The following BARHL1 variants were observed in gnomAD, a reference collection of about 807,000 sequenced individuals.
The protein encoded by BARHL1 is BarH like homeobox 1, also known as barH-like 1 homeobox protein.
Under a neutral mutation model 20.1 loss-of-function variants are expected in BARHL1, and 2 were observed. The observed-to-expected ratio is 0.10, with a 90% CI of 0.04 to 0.31. BARHL1 has a LOEUF of 0.31. Among genes scored for constraint, BARHL1 ranks in the 10% least tolerant of loss-of-function variants. BARHL1 has a pLI of 1.00. For synonymous variants in BARHL1, 213 were observed against 209.9 expected, an observed-to-expected ratio of 1.01 and a Z score of -0.13; for missense variants, 397 against 454.0, an observed-to-expected ratio of 0.87 and a Z score of 1.14.
At chr9:132,586,037 CTGGT>C (rs1830140740) in intron 1 of BARHL1, among the ~76,000 whole-genome samples, 1 of 152,270 alleles carries the variant, frequency 6.6e-6, no homozygotes, top group Admixed American at 6.5e-5. Context: ...CAGGGAGAGC[CTGGT>C]GCCAGCCTGG....
chr9:132,587,241 C>T lies in BARHL1; in HGVS notation c.467-88C>T. On this transcript the variant is annotated intron_variant, in intron 1 of 2. Coordinates refer to ENST00000263610, the MANE Select transcript of BARHL1 (RefSeq NM_020064.4). This position sits in a 1 kb window ranked among gnomAD's most constrained non-coding sequence, Gnocchi z 5.5. ...GTCGCGGAACCACCGCTGTCGGAAG[C>T]CGAGGTTACACAAACGCCACGGGCA... 2 of 1,271,554 alleles carry T rather than the reference C, an allele frequency of 1.6e-6. No homozygotes were observed. Among genetic ancestry groups the T allele is most frequent in the Non-Finnish European group, 2.2e-6 (2 of 918,978 alleles). 78.8% of individuals were successfully genotyped at this position (1,271,554 alleles called of 1,614,324 possible).
At chr9:132,588,538 G>T (rs1304521138) in intron 2 of BARHL1, among the ~76,000 whole-genome samples, 1 of 152,110 alleles carries the variant, frequency 6.6e-6, no homozygotes, top group Admixed American at 6.5e-5. Flanking sequence ...TCACCTGCAG[G>T]TGAGCCTAGG....
At chr9:132,585,093 T>A (rs1164574836) in intron 1 of BARHL1, among the ~76,000 whole-genome samples, 1 of 152,148 alleles carries the variant, frequency 6.6e-6, no homozygotes, top group Non-Finnish European at 1.5e-5. Flanking sequence ...AATTAGAATA[T>A]CAATTTTCTT....
intron 1 of BARHL1, among the ~76,000 whole-genome samples, chr9:132,586,091 C>T (rs1453557563): frequency 1.3e-5 from 2 of 152,230 alleles, no homozygotes; most frequent in East Asian, 3.9e-4. Flanking sequence ...GCCGTTTCTC[C>T]TCTGCACTCT....
chr9:132,585,232 C>T (rs1037598497), intron 1 of BARHL1, among the ~76,000 whole-genome samples: 3 of 152,068 alleles, frequency 2.0e-5, no homozygotes, highest in Admixed American at 1.3e-4. Context: ...GCTGCCTTTG[C>T]CCCTAGTGAA....
chr9:132,587,498 CG>C lies in BARHL1; in HGVS notation c.637del (p.Ala213ProfsTer287). The C allele has an allele frequency of 6.2e-7, 1 of 1,612,662 alleles. No homozygotes were observed. Among genetic ancestry groups the C allele is most frequent in the Middle Eastern group, 1.7e-4 (1 of 6,026 alleles). On this transcript the variant is annotated frameshift_variant, in exon 2 of 3. Transcript: ENST00000263610. LOFTEE classifies it high-confidence loss of function. This position sits in a 1 kb window ranked among gnomAD's most constrained non-coding sequence, Gnocchi z 5.5. ...GCGTGCAGGACCGCATGGAGCTCGC[CG>C]CCTCGCTCAACCTCACCGACACGCA... ...LSVQDRMELAASLNLTDTQVK... is the reference protein window; with the variant it reads ...LSVQDRMELAXSLNLTDTQVK...
At chr9:132,588,780 TC>T (rs1830174803) in intron 2 of BARHL1, among the ~76,000 whole-genome samples, 1 of 134,822 alleles carries the variant, frequency 7.4e-6, no homozygotes, top group Non-Finnish European at 1.7e-5. Flanking sequence ...TCAATCGCAT[TC>T]CCTTCCCTGA....
rs1363779376 is a variant in BARHL1, at chr9:132,582,965, G to C, written c.168G>C (p.Arg56Ser). The change falls in exon 1 of 3, where the codon AGG (arginine) becomes AGC (serine). Residue 56 changes from arginine to serine, a missense_variant. Physicochemically the swap from Arg to Ser is moderately radical, Grantham distance 110. Coordinates refer to ENST00000263610, the MANE Select transcript of BARHL1 (RefSeq NM_020064.4). ...SDCSSPASPG[R>S]DCLETGTPRP... ...GCTCTTCGCCAGCCTCTCCAGGAAG[G>C]GACTGTTTGGAGACGGGGACCCCAC... 1 of 1,613,790 alleles carries C rather than the reference G, an allele frequency of 6.2e-7. No individual in the cohort carries two copies. The highest frequency in any genetic ancestry group is 8.5e-7 in the Non-Finnish European group (1 of 1,179,960).
In BARHL1 at chr9:132,582,752, G is replaced by A. The variant is rs1830087603; in HGVS notation, c.-46G>A. On this transcript the variant is annotated 5_prime_UTR_variant, in exon 1 of 3. Transcript: ENST00000263610. ...GGCAGGGGCAGCGGCGGCTGGGGTT[G>A]GGGGTGGGTGGGGAGCTTTTGGGGA... The A allele has an allele frequency of 6.7e-7, 1 of 1,499,840 alleles. No individual in the cohort carries two copies. The highest frequency in any genetic ancestry group is 1.4e-5 in the African/African-American group (1 of 72,406). The allele number at this position is 1,499,840 out of a possible 1,614,324, so 92.9% of individuals were successfully genotyped here.
intron 2 of BARHL1, 21 bp from the exon 3 acceptor site, chr9:132,589,207 C>T (rs770397094): frequency 6.9e-5 from 110 of 1,598,146 alleles, no homozygotes; most frequent in Non-Finnish European, 9.4e-5. Context: ...TCCCGCCATA[C>T]GCGTTTATTT....
At chr9:132,583,537 C>T (rs997698271) in intron 1 of BARHL1, among the ~76,000 whole-genome samples, 1 of 152,218 alleles carries the variant, frequency 6.6e-6, no homozygotes, top group African/African-American at 2.4e-5. Flanking sequence ...TTCTAAACTT[C>T]GACTGGGACC....
chr9:132,583,292 G>A (rs1441938001), intron 1 of BARHL1, 29 bp downstream of exon 1: 1 of 1,563,628 alleles, frequency 6.4e-7, no homozygotes, highest in Admixed American at 1.8e-5. Flanking sequence ...AAAACTTGGG[G>A]GGATGCTATG....
Position 132,589,623 on chromosome 9 carries a change from C to A in BARHL1, c.*101C>A. ...TTCGACGCCCTTTCCCGGGAGGGGG[C>A]CCTGCCCGGCCCTCCCTGGCGCCCC... On this transcript the variant is annotated 3_prime_UTR_variant, in exon 3 of 3. Coordinates refer to ENST00000263610, the MANE Select transcript of BARHL1 (RefSeq NM_020064.4). 2 of 1,223,846 alleles carry A rather than the reference C, an allele frequency of 1.6e-6. No homozygotes were observed. The highest frequency in any genetic ancestry group is 2.0e-6 in the Non-Finnish European group (2 of 984,736). 75.8% of individuals were successfully genotyped at this position (1,223,846 alleles called of 1,614,324 possible).
Position 132,589,621 on chromosome 9 carries a change from G to C in BARHL1, c.*99G>C. The stretch of plus-strand genomic sequence containing the variant: ...GGTTCGACGCCCTTTCCCGGGAGGG[G>C]GCCCTGCCCGGCCCTCCCTGGCGCC... On this transcript the variant is annotated 3_prime_UTR_variant, in exon 3 of 3. Transcript: ENST00000263610. The C allele has an allele frequency of 8.2e-7, 1 of 1,225,240 alleles. No individual in the cohort carries two copies. Among genetic ancestry groups the C allele is most frequent in the Non-Finnish European group, 1.0e-6 (1 of 985,870 alleles). The allele number at this position is 1,225,240 out of a possible 1,614,324, so 75.9% of individuals were successfully genotyped here.
In BARHL1 at chr9:132,587,637, G is replaced by C. The variant is rs1161755255; in HGVS notation, c.689+86G>C. The C allele has an allele frequency of 3.8e-6, 5 of 1,330,938 alleles. No individual in the cohort carries two copies. Among genetic ancestry groups the C allele is most frequent in the Non-Finnish European group, 5.2e-6 (5 of 968,322 alleles). 82.4% of individuals were successfully genotyped at this position (1,330,938 alleles called of 1,614,324 possible). A position where few individuals can be genotyped will look rare whatever the true frequency, so the allele number is the denominator to read the frequency against. On this transcript the variant is annotated intron_variant, in intron 2 of 2. Coordinates refer to ENST00000263610, the MANE Select transcript of BARHL1 (RefSeq NM_020064.4). This position sits in a 1 kb window ranked among gnomAD's most constrained non-coding sequence, Gnocchi z 5.5. The stretch of plus-strand genomic sequence containing the variant: ...GGAGGGGACCAGGAGTCTACAGGTT[G>C]GTGCTAAGGGAGGGCCCCAGAGCCT...
At position 132,582,884 on chromosome 9, in the gene BARHL1, C is replaced by G; in HGVS notation, c.87C>G (p.Leu29=). The change falls in exon 1 of 3, where the codon CTC becomes CTG. Residue 29 remains leucine (L), a synonymous_variant. Transcript: ENST00000263610. The part of the protein sequence containing the change: ...SPALPKGDPL[L]GDCRSPLELS... ...CCCTTCCCAAGGGGGACCCCTTGCT[C>G]GGGGACTGCCGTTCGCCCCTGGAGC... 6.2e-7 allele frequency: 1 copy of G among 1,613,110 alleles called. No homozygotes were observed. Among genetic ancestry groups the G allele is most frequent in the Non-Finnish European group, 8.5e-7 (1 of 1,179,898 alleles).
rs1306212217 is a variant in BARHL1, at chr9:132,583,199, G to A, written c.402G>A (p.Ala134=). The change falls in exon 1 of 3, where the codon GCG becomes GCA. Residue 134 remains alanine (A), a synonymous_variant. Coordinates refer to ENST00000263610, the MANE Select transcript of BARHL1 (RefSeq NM_020064.4). ...GGGGCCGCCTTGCGGCCAAGGCCGC[G>A]GAGGACTTTAGAGACAAGCTGGACA... ...EPGGRLAAKA[A]EDFRDKLDKS... 12 of 1,613,284 alleles carry A rather than the reference G, an allele frequency of 7.4e-6. No individual in the cohort carries two copies. The highest frequency in any genetic ancestry group is 2.2e-5 in the South Asian group (2 of 91,052).
At chr9:132,588,559 G>A (rs968391061) in intron 2 of BARHL1, among the ~76,000 whole-genome samples, 1 of 152,098 alleles carries the variant, frequency 6.6e-6, no homozygotes, top group East Asian at 1.9e-4. Context: ...GTCCAGGCCT[G>A]ACTTCTCCAA....
chr9:132,589,120 T>C (rs1830178546), intron 2 of BARHL1, 108 bp from the exon 3 acceptor site: 1 of 1,474,382 alleles, frequency 6.8e-7, no homozygotes. Flanking sequence ...ATGAGTACGA[T>C]CCCTCTTGGC....
Sources: gnomAD v4.1 joint callset for allele counts (sites outside exome capture counted in the v4.1 genomes callset) on GRCh38, gnomAD v4.1.1 for gene constraint, Gnocchi (gnomAD v3.1) non-coding constraint, MANE v1.5 for transcripts, NCBI Gene and HGNC (gene_info 2026-07-23, HGNC 2026-07-21) for gene names.